VPS41: variants seen among roughly 807,000 people sequenced by gnomAD.
VPS41 encodes VPS41 subunit of HOPS complex.
VPS41 carries 85 observed loss-of-function variants against 130.9 expected under a neutral mutation model. The ratio of observed to expected loss-of-function variants is 0.65; its 90% CI spans 0.55 to 0.78. The LOEUF (loss-of-function observed/expected upper bound fraction) is 0.78. Among genes scored for constraint, VPS41 ranks in the 30% least tolerant of loss-of-function variants. VPS41 has a pLI of 0.00. For missense variants in VPS41, 874 were observed against 1,018.7 expected (o/e 0.86, Z 1.93); for synonymous variants, 335 against 332.9 (o/e 1.01, Z -0.07).
intron 10 of VPS41, among the ~76,000 whole-genome samples, chr7:38,781,242 T>C (rs921036256): frequency 1.3e-5 from 2 of 152,174 alleles, no homozygotes; most frequent in Non-Finnish European, 2.9e-5. Flanking sequence ...TAATGAGATA[T>C]TTTACCTTTT....
rs188182047 is a variant in VPS41 at position 38,815,176 on chromosome 7, C to T, written c.450+2641G>A. 7.6e-4 allele frequency among the ~76,000 whole-genome samples: 115 copies of T among 152,276 alleles called. No homozygotes were observed. In the Middle Eastern group the frequency reaches 0.014, roughly 18 times the overall value. ...TGGTGGCTCATGCCTGTAATACCAA[C>T]GCTTTGGGAGGCCGAGGTGGGCTGA... is the stretch of plus-strand genomic sequence containing the variant. On this transcript the variant is annotated intron_variant, in intron 7 of 28. Coordinates refer to ENST00000310301, the MANE Select transcript of VPS41 (RefSeq NM_014396.4).
intron 4 of VPS41, among the ~76,000 whole-genome samples, chr7:38,857,858 T>C (rs921767475): frequency 1.3e-5 from 2 of 152,168 alleles, no homozygotes; most frequent in African/African-American, 4.8e-5. Flanking sequence ...GAGGTATATA[T>C]TGGTTTGGTC....
At chr7:38,860,049 CA>C (rs1386422938) in intron 4 of VPS41, among the ~76,000 whole-genome samples, 5 of 152,208 alleles carry the variant, frequency 3.3e-5, no homozygotes, top group East Asian at 1.9e-4. Context: ...TCTTCAGCAA[CA>C]AAAGATGGCC....
intron 4 of VPS41, among the ~76,000 whole-genome samples, chr7:38,835,033 G>A (rs1169671477): frequency 6.6e-6 from 1 of 151,838 alleles, no homozygotes; most frequent in Non-Finnish European, 1.5e-5. Context: ...TCTATTCTAT[G>A]AGTTTTATAC....
chr7:38,783,781 CA>C (rs908883453), intron 10 of VPS41, among the ~76,000 whole-genome samples: 1 of 151,976 alleles, frequency 6.6e-6, no homozygotes, highest in African/African-American at 2.4e-5. Flanking sequence ...TATTAGATTA[CA>C]AAGGATAAAA....
At chr7:38,796,945 C>A in intron 7 of VPS41, 81 bp from the exon 8 acceptor site, 1 of 1,530,172 alleles carries the variant, frequency 6.5e-7, no homozygotes, top group Non-Finnish European at 9.0e-7. Context: ...TTTTACCTAT[C>A]CTCGTGACCA....
chr7:38,784,336 C>T (rs958602431), intron 10 of VPS41, among the ~76,000 whole-genome samples: 1 of 152,100 alleles, frequency 6.6e-6, no homozygotes, highest in Non-Finnish European at 1.5e-5. Flanking sequence ...CCATAAGTCA[C>T]TCTAGAAAAT....
intron 18 of VPS41, among the ~76,000 whole-genome samples, chr7:38,757,699 G>A (rs1418972882): frequency 6.6e-6 from 1 of 152,144 alleles, no homozygotes; most frequent in Non-Finnish European, 1.5e-5. Flanking sequence ...CAAGGGAGAG[G>A]AGTGGCCTGA....
Position 38,733,691 on chromosome 7 carries a change from AG to A in VPS41, c.2260-4901del, listed in dbSNP as rs781591042. Among the ~76,000 whole-genome samples, 89 of 152,212 alleles carry A rather than the reference AG, an allele frequency of 5.8e-4. 1 individual carries two copies. The highest frequency in any genetic ancestry group is 1.2e-3 in the Non-Finnish European group (82 of 68,032). ...GATATCACTTTCAGAACTTAAAACTAGTTTGAAACATCTCTATGAAATATCT... is the reference window on the plus strand; with the variant it reads ...GATATCACTTTCAGAACTTAAAACTATTTGAAACATCTCTATGAAATATCT... On this transcript the variant is annotated intron_variant, in intron 25 of 28. Transcript: ENST00000310301.
intron 1 of VPS41, among the ~76,000 whole-genome samples, chr7:38,898,334 CT>C (rs1186659992): frequency 2.6e-5 from 4 of 152,190 alleles, no homozygotes; most frequent in Admixed American, 6.5e-5. Flanking sequence ...TCCTGCTGCT[CT>C]CCCTCAAAGA....
At chr7:38,861,295 C>T (rs138437102) in intron 4 of VPS41, among the ~76,000 whole-genome samples, 1 of 152,144 alleles carries the variant, frequency 6.6e-6, no homozygotes, top group East Asian at 1.9e-4. Context: ...TGTAAGAAAC[C>T]ACACAGTCAA....
Position 38,752,175 on chromosome 7 carries a change from C to T in VPS41, c.1926+1G>A, listed in dbSNP as rs1783687753. 1 of 1,613,590 alleles carries T rather than the reference C, an allele frequency of 6.2e-7. No homozygotes were observed. Among genetic ancestry groups the T allele is most frequent in the Non-Finnish European group, 8.5e-7 (1 of 1,179,754 alleles). On this transcript the variant is annotated splice_donor_variant, in intron 22 of 28. Transcript: ENST00000310301. LOFTEE classifies it high-confidence loss of function. ...TACAAGTCGGGGAGTCTGTGCCTTA[C>T]CTTTTCAAGTGGGCAATGGGTACTG...
At chr7:38,734,850 T>A (rs1241687781) in intron 25 of VPS41, among the ~76,000 whole-genome samples, 2 of 152,198 alleles carry the variant, frequency 1.3e-5, no homozygotes, top group Non-Finnish European at 2.9e-5. Context: ...GCCCCCAATA[T>A]GACACAGGGT....
At chr7:38,859,469 A>G (rs1409368318) in intron 4 of VPS41, among the ~76,000 whole-genome samples, 1 of 152,102 alleles carries the variant, frequency 6.6e-6, no homozygotes, top group African/African-American at 2.4e-5. Flanking sequence ...GTACAGATGT[A>G]TCATTTGTCA....
At chr7:38,801,995 C>T (rs147069087) in intron 7 of VPS41, among the ~76,000 whole-genome samples, 1 of 152,318 alleles carries the variant, frequency 6.6e-6, no homozygotes, top group East Asian at 1.9e-4. Context: ...CTAATTCACA[C>T]AATCAACACA....
intron 3 of VPS41, 102 bp from the exon 4 acceptor site, chr7:38,862,724 G>C: frequency 1.5e-6 from 1 of 664,600 alleles, no homozygotes; most frequent in East Asian, 3.0e-5. Context: ...ATGCATAAAT[G>C]ATCTGCAATG....
chr7:38,896,950 T>C (rs1787010748), intron 2 of VPS41, among the ~76,000 whole-genome samples: 1 of 152,188 alleles, frequency 6.6e-6, no homozygotes, highest in African/African-American at 2.4e-5. Context: ...TCCCAGCACT[T>C]TGGGAGGCCA....
In VPS41 at chr7:38,791,988, A is replaced by G. The variant is rs551655501; in HGVS notation, c.718-2121T>C. Among the ~76,000 whole-genome samples, 55 of 152,268 alleles carry G rather than the reference A, an allele frequency of 3.6e-4. 1 individual carries two copies. Among genetic ancestry groups the G allele is most frequent in the Admixed American group, 2.7e-3 (41 of 15,300 alleles). On this transcript the variant is annotated intron_variant, in intron 9 of 28. Transcript: ENST00000310301. ...GACAATGTTATTATGTTTAATCCAG[A>G]GATGAGGACACTGAGGCTCTGTGAG... is the stretch of plus-strand genomic sequence containing the variant.
chr7:38,780,920 T>A (rs973000249), intron 10 of VPS41, among the ~76,000 whole-genome samples: 6 of 152,290 alleles, frequency 3.9e-5, no homozygotes, highest in South Asian at 4.1e-4. Context: ...GTGTGTGGCA[T>A]CTACCCCTGC....
Sources: allele counts gnomAD v4.1 joint callset (sites outside exome capture counted in the v4.1 genomes callset), GRCh38; gene constraint gnomAD v4.1.1; transcripts MANE v1.5; gene names NCBI Gene and HGNC (gene_info 2026-07-23, HGNC 2026-07-21).